Variants in MCCC2 observed in about 807,000 individuals in gnomAD.
The protein encoded by MCCC2 is methylcrotonoyl-CoA carboxylase beta chain, mitochondrial.
Under a neutral mutation model 77.2 loss-of-function variants are expected in MCCC2, and 52 were observed. The observed-to-expected ratio is 0.67, with a 90% CI of 0.54 to 0.85. The LOEUF (loss-of-function observed/expected upper bound fraction) is 0.85, where lower values mean the gene tolerates loss of function less well. Among genes scored for constraint, MCCC2 ranks in the 40% least tolerant of loss-of-function variants. The probability of loss-of-function intolerance (pLI) is 0.00; values close to 1 mark genes in which losing one functional copy is unlikely to be tolerated. For synonymous variants in MCCC2, 253 were observed against 248.4 expected (o/e 1.02, Z -0.18); for missense variants, 682 against 703.2 (o/e 0.97, Z 0.34).
In MCCC2 at chr5:71,599,659, G is replaced by T. The variant is rs781364576; in HGVS notation, c.282G>T (p.Gly94=). ...AAACAACATCCTTTCTTCGCTTTAGGTCTCCATTTCTGGAATTATCCCAGT... is the reference window on the plus strand; with the variant it reads ...AAACAACATCCTTTCTTCGCTTTAGTTCTCCATTTCTGGAATTATCCCAGT... The part of the protein sequence containing the change: ...RERIDNLIDP[G]SPFLELSQFA... The change falls in exon 4 of 17, where the codon GGG becomes GGT. Residue 94 remains glycine, a splice_region_variant and synonymous_variant. Transcript: ENST00000340941. 2 of 1,611,828 alleles carry T rather than the reference G, an allele frequency of 1.2e-6. No individual in the cohort carries two copies. Among genetic ancestry groups the T allele is most frequent in the African/African-American group, 2.7e-5 (2 of 74,792 alleles).
chr5:71,633,462 A>G lies in MCCC2; in HGVS notation c.803+1277A>G, dbSNP rs372836610. ...GTGAATAGTGCCTGCCTCATAACACAGCATCTACTACATATAACAGTAATA... is the reference window on the plus strand; with the variant it reads ...GTGAATAGTGCCTGCCTCATAACACGGCATCTACTACATATAACAGTAATA... On this transcript the variant is annotated intron_variant, in intron 8 of 16. Coordinates refer to ENST00000340941, the MANE Select transcript of MCCC2 (RefSeq NM_022132.5). Among the ~76,000 whole-genome samples, 20 of 152,092 alleles carry G rather than the reference A, an allele frequency of 1.3e-4. No homozygotes were observed. In the East Asian group the frequency reaches 1.3e-3, roughly 10 times the overall value.
intron 4 of MCCC2, among the ~76,000 whole-genome samples, chr5:71,600,923 G>C (rs1296909490): frequency 6.6e-6 from 1 of 152,138 alleles, no homozygotes; most frequent in Admixed American, 6.5e-5. Context: ...AGCTGCAGTG[G>C]AAGGCAAGAT....
intron 10 of MCCC2, among the ~76,000 whole-genome samples, chr5:71,640,125 C>T (rs1009150415): frequency 6.6e-6 from 1 of 152,074 alleles, no homozygotes; most frequent in Non-Finnish European, 1.5e-5. Flanking sequence ...TAGTAATTTC[C>T]ACTCCTTTAT....
chr5:71,617,276 A>G (rs533897444), intron 6 of MCCC2, among the ~76,000 whole-genome samples: 26 of 152,190 alleles, frequency 1.7e-4, no homozygotes, highest in African/African-American at 6.3e-4. Flanking sequence ...ACACATCTCA[A>G]ATGCCACCCT....
intron 5 of MCCC2, 130 bp from the exon 6 acceptor site, chr5:71,604,226 C>CAGGGCA: frequency 1.3e-6 from 1 of 765,308 alleles, no homozygotes; most frequent in Non-Finnish European, 2.3e-6. Context: ...GGCTCTATAA[C>CAGGGCA]AGTTTAGAAA....
chr5:71,646,964 C>T, intron 13 of MCCC2, among the ~76,000 whole-genome samples: 1 of 152,052 alleles, frequency 6.6e-6, no homozygotes, highest in Non-Finnish European at 1.5e-5. Flanking sequence ...GAGTTTTGGC[C>T]CCAAAGAATG....
intron 2 of MCCC2, among the ~76,000 whole-genome samples, chr5:71,595,175 C>T (rs1278448400): frequency 2.6e-5 from 4 of 152,084 alleles, no homozygotes; most frequent in Admixed American, 2.0e-4. Context: ...GCTGGGATTA[C>T]AGGCATGACC....
At position 71,587,416 on chromosome 5, in the gene MCCC2, G is replaced by T. The variant is rs1382093401; in HGVS notation, c.-10G>T. ...AGCGTGGGCCGCTCTCTCGCTCGGT[G>T]CCCGCCGCCATGTGGGCCGTCCTGA... On this transcript the variant is annotated 5_prime_UTR_variant, in exon 1 of 17. Transcript: ENST00000340941. 2 of 1,533,482 alleles carry T rather than the reference G, an allele frequency of 1.3e-6. No individual in the cohort carries two copies. The highest frequency in any genetic ancestry group is 2.4e-5 in the South Asian group (2 of 83,834). The allele number at this position is 1,533,482 out of a possible 1,614,324, so 95.0% of individuals were successfully genotyped here.
chr5:71,596,454 A>G, intron 3 of MCCC2, 90 bp downstream of exon 3: 1 of 1,154,064 alleles, frequency 8.7e-7, no homozygotes, highest in Non-Finnish European at 1.3e-6. Context: ...TTTGAATTCT[A>G]GTTCTCATCG....
At chr5:71,611,136 T>C (rs979121715) in intron 6 of MCCC2, among the ~76,000 whole-genome samples, 1 of 151,368 alleles carries the variant, frequency 6.6e-6, no homozygotes, top group Admixed American at 6.6e-5. Flanking sequence ...CACTGTGACT[T>C]GTGCCTGAAA....
chr5:71,638,415 T>G (rs776421102), intron 10 of MCCC2, among the ~76,000 whole-genome samples: 5 of 152,378 alleles, frequency 3.3e-5, no homozygotes, highest in Non-Finnish European at 5.9e-5. Context: ...ATCGTGAATA[T>G]TCTCAATGGC....
At chr5:71,599,863 C>A in intron 4 of MCCC2, 103 bp downstream of exon 4, 1 of 907,930 alleles carries the variant, frequency 1.1e-6, no homozygotes, top group Non-Finnish European at 1.8e-6. Flanking sequence ...GATTTGTATG[C>A]TATTTATATT....
Position 71,649,121 on chromosome 5 carries a change from A to T in MCCC2, c.1241A>T (p.Glu414Val). ...ITGFMVGREY[E>V]AEGIAKDGAK... ...GGATTTATGGTTGGTAGAGAGTATG[A>T]AGCTGAAGGAATTGCCAAGGATGGT... The change falls in exon 14 of 17, where the codon GAA becomes GTA. Residue 414 changes from glutamate to valine, a missense_variant. Coordinates refer to ENST00000340941, the MANE Select transcript of MCCC2 (RefSeq NM_022132.5). 1 of 1,614,262 alleles carries T rather than the reference A, an allele frequency of 6.2e-7. No homozygotes were observed. The highest frequency in any genetic ancestry group is 8.5e-7 in the Non-Finnish European group (1 of 1,180,044).
rs277936 is a variant in MCCC2 at position 71,640,816 on chromosome 5, C to G, written c.1000-187C>G. Reference sequence around the variant, plus strand: ...TTGCTTGTATAGTGAAGTATAAAATCAGAACCCAGAATGACTTCAGGGCAT... The same window carrying G: ...TTGCTTGTATAGTGAAGTATAAAATGAGAACCCAGAATGACTTCAGGGCAT... On this transcript the variant is annotated intron_variant, in intron 10 of 16. Transcript: ENST00000340941. Among the ~76,000 whole-genome samples, 60,030 of 152,024 alleles carry G rather than the reference C, an allele frequency of 0.39. 12,461 individuals carry two copies. The highest frequency in any genetic ancestry group is 0.47 in the South Asian group (2,279 of 4,812).
intron 6 of MCCC2, among the ~76,000 whole-genome samples, chr5:71,614,969 A>G (rs1414499673): frequency 6.6e-6 from 1 of 151,640 alleles, no homozygotes; most frequent in Non-Finnish European, 1.5e-5. Flanking sequence ...GGGTGGCTAC[A>G]TTTTTTTCCC....
chr5:71,630,195 G>C (rs755002450), intron 7 of MCCC2, among the ~76,000 whole-genome samples: 2 of 152,142 alleles, frequency 1.3e-5, no homozygotes, highest in African/African-American at 2.4e-5. Flanking sequence ...AAATTCTGAC[G>C]CACGCTTGAC....
chr5:71,601,638 G>A (rs1340849167), intron 4 of MCCC2, among the ~76,000 whole-genome samples: 1 of 152,156 alleles, frequency 6.6e-6, no homozygotes, highest in Non-Finnish European at 1.5e-5. Context: ...TTCAGTTGCC[G>A]TTCTCTATTT....
At chr5:71,632,326 T>C (rs1746748517) in intron 8 of MCCC2, 141 bp downstream of exon 8, 2 of 803,832 alleles carry the variant, frequency 2.5e-6, no homozygotes, top group South Asian at 2.9e-5. Context: ...GCTGGTTTAA[T>C]GTTCAATTCT....
intron 9 of MCCC2, 38 bp from the exon 10 acceptor site, chr5:71,635,113 T>C: frequency 1.9e-6 from 3 of 1,613,402 alleles, no homozygotes; most frequent in Non-Finnish European, 2.5e-6. Context: ...CTTGAAATCA[T>C]GTCTTTAAAC....
Sources: allele counts gnomAD v4.1 joint callset (sites outside exome capture counted in the v4.1 genomes callset), GRCh38; gene constraint gnomAD v4.1.1; transcripts MANE v1.5; gene names NCBI Gene and HGNC (gene_info 2026-07-23, HGNC 2026-07-21).